Variants in KATNAL1 observed in about 807,000 individuals in gnomAD.
KATNAL1 encodes katanin catalytic subunit A1 like 1.
KATNAL1 carries 32 observed loss-of-function variants against 55.2 expected under a neutral mutation model. The observed-to-expected ratio is 0.58, with a 90% confidence interval of 0.44 to 0.78. KATNAL1 has a LOEUF of 0.78. KATNAL1 is among the 30% of genes least tolerant of loss of function. KATNAL1 has a pLI of 0.00. For missense variants in KATNAL1, 466 were observed against 600.9 expected, an observed-to-expected ratio of 0.78 and a Z score of 2.35; for synonymous variants, 193 against 193.6, an observed-to-expected ratio of 1.00 and a Z score of 0.02.
chr13:30,248,382 C>G (rs937545853), intron 4 of KATNAL1, among the ~76,000 whole-genome samples: 1 of 152,008 alleles, frequency 6.6e-6, no homozygotes, highest in Admixed American at 6.6e-5. Flanking sequence ...TTACTATAAT[C>G]TAGTACAACA....
chr13:30,259,604 G>T (rs1879091569), intron 3 of KATNAL1, among the ~76,000 whole-genome samples: 1 of 152,174 alleles, frequency 6.6e-6, no homozygotes, highest in Non-Finnish European at 1.5e-5. Context: ...TCAAAGAAAG[G>T]GGTGACAGAC....
chr13:30,224,239 G>C (rs926705762), intron 9 of KATNAL1, among the ~76,000 whole-genome samples: 1 of 151,972 alleles, frequency 6.6e-6, no homozygotes, highest in African/African-American at 2.4e-5. Flanking sequence ...TTTAAAATGT[G>C]CAAATTTAAA....
At chr13:30,253,990 G>A (rs773705209) in intron 4 of KATNAL1, among the ~76,000 whole-genome samples, 19 of 152,274 alleles carry the variant, frequency 1.2e-4, no homozygotes, top group Non-Finnish European at 1.3e-4. Context: ...CCTACTTCAC[G>A]GGATTGCTTC....
In KATNAL1 at chr13:30,283,804, TATA is replaced by T. The variant is rs771461730; in HGVS notation, c.-14-16_-14-14del. 4.5e-6 allele frequency: 7 copies of T among 1,556,828 alleles called. No individual in the cohort carries two copies. The highest frequency in any genetic ancestry group is 1.9e-5 in the Admixed American group (1 of 52,084). ...TTCTTTCAGAGACCTAAACATAAAA[TATA>T]ATGACTTTTTAAAAATTTTCAGCAC... On this transcript the variant is annotated splice_polypyrimidine_tract_variant and intron_variant, in intron 1 of 10. Transcript: ENST00000380615.
chr13:30,216,986 A>C (rs1027878112), intron 9 of KATNAL1, among the ~76,000 whole-genome samples: 1 of 152,086 alleles, frequency 6.6e-6, no homozygotes, highest in African/African-American at 2.4e-5. Flanking sequence ...CTTAAAATGA[A>C]CATACATAAA....
chr13:30,218,995 C>A (rs989809997), intron 9 of KATNAL1, among the ~76,000 whole-genome samples: 3 of 152,116 alleles, frequency 2.0e-5, no homozygotes, highest in African/African-American at 4.8e-5. Context: ...ATTTCTAATT[C>A]TTAAATAAAT....
At chr13:30,244,615 T>C (rs1877602382) in intron 4 of KATNAL1, among the ~76,000 whole-genome samples, 1 of 152,204 alleles carries the variant, frequency 6.6e-6, no homozygotes. Flanking sequence ...ATCAAGGAGC[T>C]GGTTTTTTGA....
chr13:30,218,001 C>T (rs1487910309), intron 9 of KATNAL1, among the ~76,000 whole-genome samples: 1 of 151,820 alleles, frequency 6.6e-6, no homozygotes, highest in African/African-American at 2.4e-5. Context: ...GCTGTAACGT[C>T]GGCTTTGAAA....
At chr13:30,239,399 G>C (rs904177670) in intron 6 of KATNAL1, among the ~76,000 whole-genome samples, 2 of 152,114 alleles carry the variant, frequency 1.3e-5, no homozygotes, top group Non-Finnish European at 2.9e-5. Flanking sequence ...AACAGAGTGA[G>C]ACTCAGTCTC....
chr13:30,268,360 C>T (rs962352458), intron 3 of KATNAL1, among the ~76,000 whole-genome samples: 2 of 152,128 alleles, frequency 1.3e-5, no homozygotes, highest in African/African-American at 4.8e-5. Context: ...GAACTGCCAG[C>T]TATAGACTAC....
intron 9 of KATNAL1, among the ~76,000 whole-genome samples, chr13:30,216,042 A>G (rs569243027): frequency 1.3e-5 from 2 of 152,360 alleles, no homozygotes; most frequent in East Asian, 3.9e-4. Context: ...ACAGTAACAA[A>G]AATGAATGTG....
chr13:30,245,953 T>C (rs1250229454), intron 4 of KATNAL1, among the ~76,000 whole-genome samples: 1 of 152,148 alleles, frequency 6.6e-6, no homozygotes, highest in Non-Finnish European at 1.5e-5. Context: ...ATCAATATCG[T>C]GAAAATGGCC....
chr13:30,233,767 AAAG>A (rs1876358503), intron 6 of KATNAL1, among the ~76,000 whole-genome samples: 1 of 152,234 alleles, frequency 6.6e-6, no homozygotes. Flanking sequence ...TCAGCCATAA[AAAG>A]AATAAAATCG....
Position 30,231,303 on chromosome 13 carries a change from T to G in KATNAL1, c.885+11A>C. 6.3e-7 allele frequency: 1 copy of G among 1,599,976 alleles called. No individual in the cohort carries two copies. The highest frequency in any genetic ancestry group is 8.5e-7 in the Non-Finnish European group (1 of 1,172,840). On this transcript the variant is annotated intron_variant, in intron 7 of 10. Coordinates refer to ENST00000380615, the MANE Select transcript of KATNAL1 (RefSeq NM_032116.5). ...CACACTACTTTGAAATCTGAATATA[T>G]CGTCACTCACCATCTCAAACAACAG...
At position 30,206,612 on chromosome 13, in the gene KATNAL1, A is replaced by C. The variant is rs1055097033; in HGVS notation, c.*1928T>G. 9.9e-5 allele frequency: 15 copies of C among 151,668 alleles called. No homozygotes were observed. Among genetic ancestry groups the C allele is most frequent in the African/African-American group, 3.6e-4 (15 of 41,348 alleles). 9.4% of individuals were successfully genotyped at this position (151,668 alleles called of 1,614,324 possible). On this transcript the variant is annotated 3_prime_UTR_variant, in exon 11 of 11. Coordinates refer to ENST00000380615, the MANE Select transcript of KATNAL1 (RefSeq NM_032116.5). ...CCAGAAAAGGTCTAACTAATCAACT[A>C]TTGTTAGGCTGGTGCAAAAGTAATT...
chr13:30,205,711 C>T lies in KATNAL1; in HGVS notation c.*2829G>A, dbSNP rs1235296010. Reference sequence around the variant, plus strand: ...GGCTCACGCCTGTAATCCAAGCACTCATTCTGGTAAGGCAACACACTGTCT... The same window carrying T: ...GGCTCACGCCTGTAATCCAAGCACTTATTCTGGTAAGGCAACACACTGTCT... On this transcript the variant is annotated 3_prime_UTR_variant, in exon 11 of 11. Coordinates refer to ENST00000380615, the MANE Select transcript of KATNAL1 (RefSeq NM_032116.5). The T allele has an allele frequency of 6.7e-6, 1 of 148,326 alleles. No individual in the cohort carries two copies. The highest frequency in any genetic ancestry group is 1.5e-5 in the Non-Finnish European group (1 of 68,814). 9.2% of individuals were successfully genotyped at this position (148,326 alleles called of 1,614,324 possible).
Position 30,292,522 on chromosome 13 carries a change from C to G in KATNAL1, c.-14-8731G>C, listed in dbSNP as rs1255257037. Among the ~76,000 whole-genome samples, 13 of 152,258 alleles carry G rather than the reference C, an allele frequency of 8.5e-5. No homozygotes were observed. In the East Asian group the frequency reaches 2.5e-3, roughly 29 times the overall value. On this transcript the variant is annotated intron_variant, in intron 1 of 10. Coordinates refer to ENST00000380615, the MANE Select transcript of KATNAL1 (RefSeq NM_032116.5). ...TATTAAGTTTTATGCTTCCCTACCC[C>G]TTGTTCCAAAGGGAGATACTGTATC...
chr13:30,215,241 G>C (rs1874095565), intron 9 of KATNAL1, among the ~76,000 whole-genome samples: 1 of 152,016 alleles, frequency 6.6e-6, no homozygotes, highest in Admixed American at 6.5e-5. Flanking sequence ...TCTCACACCA[G>C]TTAGAATGGC....
At chr13:30,292,104 G>T (rs948667983) in intron 1 of KATNAL1, among the ~76,000 whole-genome samples, 1 of 152,108 alleles carries the variant, frequency 6.6e-6, no homozygotes, top group South Asian at 2.1e-4. Context: ...AAAGATCAGT[G>T]AAAGAAACTA....
Sources: gnomAD v4.1 joint callset for allele counts (sites outside exome capture counted in the v4.1 genomes callset) on GRCh38, gnomAD v4.1.1 for gene constraint, MANE v1.5 for transcripts, NCBI Gene and HGNC (gene_info 2026-07-23, HGNC 2026-07-21) for gene names.